Variants in NBAS observed in about 807,000 individuals in gnomAD.
NBAS encodes NBAS subunit of NRZ tethering complex.
A neutral mutation model predicts 302.5 loss-of-function variants in NBAS; 219 were observed. That is an observed-to-expected ratio of 0.72 (90% CI 0.65 to 0.81). The LOEUF (loss-of-function observed/expected upper bound fraction) is 0.81. Among genes scored for constraint, NBAS ranks in the 30% least tolerant of loss-of-function variants. NBAS has a pLI of 0.00. For synonymous variants in NBAS, 1,118 were observed against 1,021.6 expected, an observed-to-expected ratio of 1.09 and a Z score of -1.80; for missense variants, 2,932 against 2,841.6, an observed-to-expected ratio of 1.03 and a Z score of -0.72.
At chr2:14,876,003 T>C in the NBAS span, among the ~76,000 whole-genome samples, 2 of 152,232 alleles carry the variant, frequency 1.3e-5, no homozygotes, top group African/African-American at 2.4e-5. Flanking sequence ...CTGGTTTTTG[T>C]ACAGTCACAC....
chr2:15,448,645 T>G (rs1572868866), intron 21 of NBAS, among the ~76,000 whole-genome samples: 1 of 152,170 alleles, frequency 6.6e-6, no homozygotes, highest in South Asian at 2.1e-4. Context: ...TCCTATTACA[T>G]GGCATCTAAA....
chr2:15,389,204 G>C, intron 28 of NBAS, among the ~76,000 whole-genome samples: 1 of 152,142 alleles, frequency 6.6e-6, no homozygotes, highest in African/African-American at 2.4e-5. Context: ...ACTCCCAGAT[G>C]ACCCCAGCAA....
chr2:15,395,046 T>G (rs1675802082), intron 27 of NBAS, among the ~76,000 whole-genome samples: 1 of 152,068 alleles, frequency 6.6e-6, no homozygotes, highest in Non-Finnish European at 1.5e-5. Flanking sequence ...AAAACATTTA[T>G]CAAGTGTCTG....
chr2:15,461,919 C>G (rs1679522905), intron 19 of NBAS, 128 bp from the exon 20 acceptor site: 1 of 638,808 alleles, frequency 1.6e-6, no homozygotes, highest in Non-Finnish European at 2.8e-6. Flanking sequence ...TAATTTCAAC[C>G]ATCAATTGTT....
intron 50 of NBAS, 37 bp downstream of exon 50, chr2:15,186,705 G>C (rs192827542): frequency 3.6e-5 from 58 of 1,613,362 alleles, no homozygotes; most frequent in Admixed American, 1.7e-4. Flanking sequence ...ATAAGCAAAG[G>C]CCACTCCTTA....
At chr2:14,917,944 T>G in the NBAS span, among the ~76,000 whole-genome samples, 1 of 152,158 alleles carries the variant, frequency 6.6e-6, no homozygotes, top group Admixed American at 6.5e-5. Flanking sequence ...ATATAACATC[T>G]TCTAAATAAA....
chr2:15,488,982 A>C lies in NBAS; in HGVS notation c.995T>G (p.Leu332Arg). The C allele has an allele frequency of 6.2e-7, 1 of 1,613,882 alleles. No individual in the cohort carries two copies. Among genetic ancestry groups the C allele is most frequent in the Non-Finnish European group, 8.5e-7 (1 of 1,179,826 alleles). Residue 332 changes from leucine to arginine, a missense_variant, in exon 12 of 52, where the codon CTC becomes CGC. Physicochemically the swap from Leu to Arg is moderately radical, Grantham distance 102 (BLOSUM62 -2). Coordinates refer to ENST00000281513, the MANE Select transcript of NBAS (RefSeq NM_015909.4). ...CCCTGAGAAGTGAATGGCTGCCAGG[A>C]GCATCCCATCTGGAGAAAGGCTCAT... ...FKMSLSPDGM[L>R]LAAIHFSGKL...
chr2:14,996,013 C>A, the NBAS span, among the ~76,000 whole-genome samples: 2 of 152,096 alleles, frequency 1.3e-5, no homozygotes, highest in Non-Finnish European at 2.9e-5. Flanking sequence ...CCTCCAGCAT[C>A]ACCAGGCCTG....
chr2:15,345,700 C>G (rs1300534823), intron 35 of NBAS, among the ~76,000 whole-genome samples: 1 of 152,118 alleles, frequency 6.6e-6, no homozygotes, highest in Non-Finnish European at 1.5e-5. Context: ...CTAGCCAACA[C>G]AATCCTAAGC....
chr2:14,873,441 T>C, the NBAS span, among the ~76,000 whole-genome samples: 1 of 152,038 alleles, frequency 6.6e-6, no homozygotes, highest in Non-Finnish European at 1.5e-5. Flanking sequence ...GGTCTCAAAC[T>C]CCTGACCTCA....
chr2:15,156,396 T>G, the NBAS span, among the ~76,000 whole-genome samples: 4 of 152,190 alleles, frequency 2.6e-5, no homozygotes, highest in African/African-American at 9.7e-5. Flanking sequence ...GAAAGCTGTC[T>G]TCGTCTGTTC....
intron 30 of NBAS, among the ~76,000 whole-genome samples, chr2:15,378,911 T>C (rs1674888413): frequency 6.6e-6 from 1 of 152,218 alleles, no homozygotes; most frequent in Non-Finnish European, 1.5e-5. Flanking sequence ...ACATGTTTTA[T>C]TCCTTGATCT....
intron 25 of NBAS, among the ~76,000 whole-genome samples, chr2:15,407,534 G>C (rs1018297643): frequency 6.6e-6 from 1 of 152,156 alleles, no homozygotes; most frequent in African/African-American, 2.4e-5. Flanking sequence ...AAATGGCAAA[G>C]AGAGTGGAGA....
intron 51 of NBAS, among the ~76,000 whole-genome samples, chr2:15,173,126 A>C (rs1664373144): frequency 6.6e-6 from 1 of 152,228 alleles, no homozygotes; most frequent in Non-Finnish European, 1.5e-5. Context: ...AATGCTTGCT[A>C]TCTCTGTCAG....
chr2:15,169,496 C>T (rs191365116), intron 51 of NBAS, among the ~76,000 whole-genome samples: 16 of 152,294 alleles, frequency 1.1e-4, no homozygotes, highest in Admixed American at 2.6e-4. Context: ...ACGGTGTCTA[C>T]GTGCCAGAAC....
At chr2:15,531,862 T>A (rs962730836) in intron 9 of NBAS, among the ~76,000 whole-genome samples, 1 of 152,206 alleles carries the variant, frequency 6.6e-6, no homozygotes. Flanking sequence ...GGCCACCATA[T>A]TTCAAACTAG....
At chr2:15,394,135 T>C in intron 28 of NBAS, 92 bp downstream of exon 28, 1 of 1,358,258 alleles carries the variant, frequency 7.4e-7, no homozygotes, top group Non-Finnish European at 1.0e-6. Context: ...TTATTATTAG[T>C]TATAACACAA....
At chr2:14,897,164 T>C in the NBAS span, among the ~76,000 whole-genome samples, 1 of 152,072 alleles carries the variant, frequency 6.6e-6, no homozygotes, top group Non-Finnish European at 1.5e-5. Flanking sequence ...GTGGCAAAGC[T>C]GGAACCAAAC....
intron 12 of NBAS, among the ~76,000 whole-genome samples, chr2:15,478,981 G>C (rs1276837379): frequency 6.6e-6 from 1 of 152,018 alleles, no homozygotes; most frequent in Admixed American, 6.6e-5. Context: ...AAAATAGTTG[G>C]GGTGCTCATT....
Sources: gnomAD v4.1 joint callset for allele counts (sites outside exome capture counted in the v4.1 genomes callset) on GRCh38, gnomAD v4.1.1 for gene constraint, MANE v1.5 for transcripts, NCBI Gene and HGNC (gene_info 2026-07-23, HGNC 2026-07-21) for gene names.